NUS1: variants seen among roughly 807,000 people sequenced by gnomAD.
NUS1 encodes the protein dehydrodolichyl diphosphate synthase complex subunit NUS1.
For missense variants in NUS1, 292 were observed against 382.9 expected (o/e 0.76, Z 1.98); for synonymous variants, 135 against 155.2 (o/e 0.87, Z 0.97).
chr6:117,694,741 A>G (rs776295287), intron 3 of NUS1, among the ~76,000 whole-genome samples: 4 of 152,092 alleles, frequency 2.6e-5, no homozygotes, highest in Non-Finnish European at 5.9e-5. Context: ...CCTTTTTGCC[A>G]TAATGTCATG....
intron 3 of NUS1, among the ~76,000 whole-genome samples, chr6:117,694,498 C>G (rs1582471845): frequency 6.6e-6 from 1 of 151,938 alleles, no homozygotes; most frequent in South Asian, 2.1e-4. Flanking sequence ...TCTCCCTCTT[C>G]CCCTTTCTTT....
chr6:117,703,838 C>A, intron 4 of NUS1, 134 bp downstream of exon 4: 1 of 683,248 alleles, frequency 1.5e-6, no homozygotes, highest in African/African-American at 1.8e-5. Flanking sequence ...TTCACAGTAC[C>A]ACTGGTAAAA....
At chr6:117,690,021 A>C (rs1453341044) in intron 1 of NUS1, among the ~76,000 whole-genome samples, 1 of 152,180 alleles carries the variant, frequency 6.6e-6, no homozygotes, top group African/African-American at 2.4e-5. Flanking sequence ...TTTGGAATAT[A>C]TGCTTTTTAT....
At chr6:117,700,290 A>G (rs1206814378) in intron 3 of NUS1, among the ~76,000 whole-genome samples, 1 of 152,250 alleles carries the variant, frequency 6.6e-6, no homozygotes, top group Non-Finnish European at 1.5e-5. Context: ...AAGCAAATCT[A>G]CAGGAAAAAG....
At chr6:117,692,479 A>G (rs1773237030) in intron 1 of NUS1, among the ~76,000 whole-genome samples, 1 of 152,110 alleles carries the variant, frequency 6.6e-6, no homozygotes, top group Non-Finnish European at 1.5e-5. Context: ...ATAGAGGACC[A>G]TACATTGTTC....
intron 4 of NUS1, 96 bp downstream of exon 4, chr6:117,703,800 A>G (rs1773462430): frequency 1.2e-6 from 1 of 833,188 alleles, no homozygotes; most frequent in Non-Finnish European, 2.1e-6. Flanking sequence ...CCAAAGAATT[A>G]TAATACTGGA....
At chr6:117,685,553 C>G (rs1773124614) in intron 1 of NUS1, among the ~76,000 whole-genome samples, 1 of 151,882 alleles carries the variant, frequency 6.6e-6, no homozygotes, top group South Asian at 2.1e-4. Flanking sequence ...GGTCTTGCTA[C>G]ATTGCTCAGG....
rs1467846114 is a variant in NUS1, at chr6:117,692,311, A to G, written c.416-731A>G. 2.0e-5 allele frequency among the ~76,000 whole-genome samples: 3 copies of G among 152,106 alleles called. No homozygotes were observed. The East Asian group carries it at 5.8e-4, about 29-fold the overall frequency. ...GATAAAGATTAAAAAGGCAATGGCT[A>G]CTAGAAAGCTGCCTCTGCAAATTGT... is the stretch of plus-strand genomic sequence containing the variant. On this transcript the variant is annotated intron_variant, in intron 1 of 4. Coordinates refer to ENST00000368494, the MANE Select transcript of NUS1 (RefSeq NM_138459.5).
At chr6:117,691,789 T>G (rs942004517) in intron 1 of NUS1, among the ~76,000 whole-genome samples, 3 of 151,534 alleles carry the variant, frequency 2.0e-5, no homozygotes, top group Admixed American at 6.6e-5. Context: ...TAAGCATGAG[T>G]GTATAATTGA....
Position 117,707,055 on chromosome 6 carries a change from G to T in NUS1, c.*40G>T, listed in dbSNP as rs1773511240. The stretch of plus-strand genomic sequence containing the variant: ...ATAATTTGATTTGAGGCTTGTGGAG[G>T]AAAGGAACCAAGTGACTCTGATGTT... On this transcript the variant is annotated 3_prime_UTR_variant, in exon 5 of 5. Coordinates refer to ENST00000368494, the MANE Select transcript of NUS1 (RefSeq NM_138459.5). 1.3e-6 allele frequency: 2 copies of T among 1,556,220 alleles called. No individual in the cohort carries two copies. Among genetic ancestry groups the T allele is most frequent in the Middle Eastern group, 3.4e-4 (2 of 5,878 alleles).
In NUS1 at chr6:117,695,193, C is replaced by CAAAAAAAAAAAAAAAAAAA. The variant is rs58136219; in HGVS notation, c.691+1023_691+1041dup. On this transcript the variant is annotated intron_variant, in intron 3 of 4. Transcript: ENST00000368494. ...TGGGTGACGGAGTGAGACCCTGTCT[C>CAAAAAAAAAAAAAAAAAAA]AAAAAAAAAAAAAAAAAAAAAAAAA... Among the ~76,000 whole-genome samples the CAAAAAAAAAAAAAAAAAAA allele has an allele frequency of 1.3e-4, 7 of 55,230 alleles. 1 individual carries two copies. Among genetic ancestry groups the CAAAAAAAAAAAAAAAAAAA allele is most frequent in the Non-Finnish European group, 2.0e-4 (7 of 34,210 alleles). 36.2% of individuals were successfully genotyped at this position (55,230 alleles called of 152,430 possible).
intron 4 of NUS1, among the ~76,000 whole-genome samples, chr6:117,705,829 A>G (rs892605558): frequency 6.6e-6 from 1 of 152,204 alleles, no homozygotes; most frequent in Non-Finnish European, 1.5e-5. Flanking sequence ...TTGTTCTTTG[A>G]GCATATTATT....
At chr6:117,693,276 C>G (rs1773268972) in intron 2 of NUS1, 109 bp downstream of exon 2, 1 of 1,131,400 alleles carries the variant, frequency 8.8e-7, no homozygotes, top group Non-Finnish European at 1.3e-6. Flanking sequence ...CTCTGTTACT[C>G]TTTATTGTCA....
chr6:117,686,390 A>G (rs1011989665), intron 1 of NUS1, among the ~76,000 whole-genome samples: 5 of 152,180 alleles, frequency 3.3e-5, no homozygotes, highest in African/African-American at 7.2e-5. Flanking sequence ...GGAGTTTAGT[A>G]TTGTTCCTTT....
intron 1 of NUS1, among the ~76,000 whole-genome samples, chr6:117,677,554 A>G (rs950621562): frequency 6.6e-6 from 1 of 152,238 alleles, no homozygotes; most frequent in African/African-American, 2.4e-5. Flanking sequence ...AGAGGCATAC[A>G]TCTTTGTCAG....
rs575511653 is a variant in NUS1 at position 117,681,239 on chromosome 6, C to CT, written c.415+5155dup. On this transcript the variant is annotated intron_variant, in intron 1 of 4. Coordinates refer to ENST00000368494, the MANE Select transcript of NUS1 (RefSeq NM_138459.5). ...AAACATCTCTAAAGGTACTTCTGTT[C>CT]TCTGCTTTGTGTAGTCATATTTGTA... 5.4e-3 allele frequency among the ~76,000 whole-genome samples: 825 copies of CT among 152,244 alleles called. 2 individuals are homozygous for CT. Among genetic ancestry groups the CT allele is most frequent in the Admixed American group, 0.011 (166 of 15,288 alleles).
In NUS1 at chr6:117,675,659, G is replaced by A; in HGVS notation, c.-12G>A. ...GCGGGAGGGAGAGGGGGTGTCTGAG[G>A]GCCACAAGAGTATGACGGGGCTGTA... On this transcript the variant is annotated 5_prime_UTR_variant, in exon 1 of 5. Transcript: ENST00000368494. 2.2e-6 allele frequency: 3 copies of A among 1,387,558 alleles called. No individual in the cohort carries two copies. The highest frequency in any genetic ancestry group is 1.2e-5 in the South Asian group (1 of 81,606). The allele number at this position is 1,387,558 out of a possible 1,614,324, so 86.0% of individuals were successfully genotyped here.
At position 117,708,886 on chromosome 6, in the gene NUS1, G is replaced by A. The variant is rs1413000925; in HGVS notation, c.*1871G>A. 2 of 151,996 alleles carry A rather than the reference G, an allele frequency of 1.3e-5. No individual in the cohort carries two copies. Among genetic ancestry groups the A allele is most frequent in the Non-Finnish European group, 1.5e-5 (1 of 67,868 alleles). 9.4% of individuals were successfully genotyped at this position (151,996 alleles called of 1,614,324 possible). On this transcript the variant is annotated 3_prime_UTR_variant, in exon 5 of 5. Transcript: ENST00000368494. ...CTGATTAAAATGAAGGGATTTAATC[G>A]TTGTTAAAGTTAAGTTAGTCAAATA...
At chr6:117,694,890 T>C (rs1773293746) in intron 3 of NUS1, among the ~76,000 whole-genome samples, 1 of 152,106 alleles carries the variant, frequency 6.6e-6, no homozygotes, top group South Asian at 2.1e-4. Context: ...ACTATCCATT[T>C]ACTTATTAAT....
Sources: gnomAD v4.1 joint callset for allele counts (sites outside exome capture counted in the v4.1 genomes callset) on GRCh38, gnomAD v4.1.1 for gene constraint, MANE v1.5 for transcripts, NCBI Gene and HGNC (gene_info 2026-07-23, HGNC 2026-07-21) for gene names.